Variants in GBF1 observed in about 807,000 individuals in gnomAD.
GBF1 encodes the protein golgi brefeldin A resistant guanine nucleotide exchange factor 1, also known as Golgi-specific brefeldin A-resistance guanine nucleotide exchange factor 1.
In GBF1, 114 loss-of-function variants were observed where a neutral mutation model predicts 210.5. That is an observed-to-expected ratio of 0.54 (90% CI 0.47 to 0.63). The LOEUF (loss-of-function observed/expected upper bound fraction) is 0.63. Ranked by LOEUF, GBF1 falls within the 30% of genes least tolerant of loss-of-function variation. The probability of loss-of-function intolerance (pLI) is 0.00; values close to 1 mark genes in which losing one functional copy is unlikely to be tolerated. For missense variants in GBF1, 1,851 were observed against 2,357.7 expected, an observed-to-expected ratio of 0.79 and a Z score of 4.45; for synonymous variants, 850 against 889.2, an observed-to-expected ratio of 0.96 and a Z score of 0.78.
chr10:102,331,390 T>G (rs1480743413), intron 3 of GBF1, among the ~76,000 whole-genome samples: 5 of 152,094 alleles, frequency 3.3e-5, no homozygotes, highest in Admixed American at 3.3e-4. Flanking sequence ...TTCTAATCCC[T>G]GGGGTTTTCA....
chr10:102,269,776 A>T (rs967360741), intron 3 of GBF1, among the ~76,000 whole-genome samples: 2 of 152,152 alleles, frequency 1.3e-5, no homozygotes, highest in Non-Finnish European at 2.9e-5. Flanking sequence ...GAGAGCTGAT[A>T]TGGTATTACA....
intron 29 of GBF1, among the ~76,000 whole-genome samples, chr10:102,372,511 A>T (rs557837799): frequency 6.6e-6 from 1 of 152,266 alleles, no homozygotes; most frequent in East Asian, 1.9e-4. Context: ...CTCTGTCTCA[A>T]AAAAAAGACT....
intron 3 of GBF1, among the ~76,000 whole-genome samples, chr10:102,316,537 T>C (rs1334377423): frequency 6.6e-6 from 1 of 152,192 alleles, no homozygotes; most frequent in Non-Finnish European, 1.5e-5. Context: ...TTAACAAGCA[T>C]TAGGAACAGA....
chr10:102,295,140 T>G (rs1426610128), intron 3 of GBF1, among the ~76,000 whole-genome samples: 8 of 152,216 alleles, frequency 5.3e-5, no homozygotes, highest in Admixed American at 5.2e-4. Flanking sequence ...AGGATAGAGC[T>G]CCACTCATTT....
rs551647948 is a variant in GBF1, at chr10:102,366,001, A to G, written c.2310-382A>G. On this transcript the variant is annotated intron_variant, in intron 18 of 39. Coordinates refer to ENST00000369983, the MANE Select transcript of GBF1 (RefSeq NM_001377137.1). The surrounding 1 kb of genome is among the most constrained non-coding windows in gnomAD (Gnocchi z 4.0). ...TTAGTGATCAGTTTAAAGGGACAGA[A>G]CATCCCTACCTCAAAGCGGTCTCTA... Among the ~76,000 whole-genome samples the G allele has an allele frequency of 1.3e-5, 2 of 152,176 alleles. No homozygotes were observed. The highest frequency in any genetic ancestry group is 4.8e-5 in the African/African-American group (2 of 41,530).
intron 3 of GBF1, among the ~76,000 whole-genome samples, chr10:102,305,369 T>A (rs986831895): frequency 1.3e-5 from 2 of 152,106 alleles, no homozygotes; most frequent in African/African-American, 2.4e-5. Context: ...TCCCAGCACT[T>A]TGGGAGGCCA....
chr10:102,347,715 A>G (rs904807664), intron 4 of GBF1, among the ~76,000 whole-genome samples: 1 of 152,180 alleles, frequency 6.6e-6, no homozygotes, highest in Non-Finnish European at 1.5e-5. Context: ...AGGACATTTT[A>G]AAGAAGGGTT....
chr10:102,355,263 A>C (rs1464000497), intron 8 of GBF1, among the ~76,000 whole-genome samples: 7 of 152,176 alleles, frequency 4.6e-5, no homozygotes, highest in Non-Finnish European at 1.0e-4. Flanking sequence ...ACCTAGCTAG[A>C]TAGTCCATTG....
At chr10:102,354,931 T>TC (rs1246531065) in intron 8 of GBF1, among the ~76,000 whole-genome samples, 3 of 137,052 alleles carry the variant, frequency 2.2e-5, no homozygotes, top group Non-Finnish European at 4.8e-5. Context: ...TTTTTTTTTT[T>TC]CTTGGTTACC....
chr10:102,259,475 C>G (rs1039056986), intron 2 of GBF1, among the ~76,000 whole-genome samples: 1 of 152,126 alleles, frequency 6.6e-6, no homozygotes, highest in African/African-American at 2.4e-5. Context: ...TCTTACCAAT[C>G]AGATGAGTAA....
intron 3 of GBF1, among the ~76,000 whole-genome samples, chr10:102,323,256 A>G (rs948856139): frequency 1.3e-5 from 2 of 151,312 alleles, no homozygotes; most frequent in African/African-American, 2.4e-5. Flanking sequence ...AAAAAAAAAA[A>G]AAAAAGAAGA....
intron 18 of GBF1, among the ~76,000 whole-genome samples, chr10:102,365,880 G>C (rs1295392940): frequency 6.7e-6 from 1 of 148,300 alleles, no homozygotes; most frequent in African/African-American, 2.6e-5. Flanking sequence ...CACTGTGATA[G>C]AGTGAGATAG....
At chr10:102,302,316 C>T (rs538083595) in intron 3 of GBF1, among the ~76,000 whole-genome samples, 12 of 152,192 alleles carry the variant, frequency 7.9e-5, no homozygotes, top group Non-Finnish European at 1.2e-4. Context: ...TCATATAGTA[C>T]GTGGTTACAC....
At chr10:102,305,175 TTGTGTGTGTGTGTGTGTGTGTG>T (rs60026956) in intron 3 of GBF1, among the ~76,000 whole-genome samples, 19 of 139,658 alleles carry the variant, frequency 1.4e-4, no homozygotes, top group African/African-American at 5.1e-4. Context: ...ATATGCAGAT[TTGTGTGTGTGTGTGTGTGTGTG>T]TGTGTGTGTG....
At chr10:102,341,135 T>C (rs148443216) in intron 3 of GBF1, among the ~76,000 whole-genome samples, 21 of 152,246 alleles carry the variant, frequency 1.4e-4, no homozygotes, top group Non-Finnish European at 2.2e-4. Flanking sequence ...AGTTTAATAA[T>C]GGATAAAAGA....
At position 102,339,028 on chromosome 10, in the gene GBF1, G is replaced by A. The variant is rs1409489366; in HGVS notation, c.164-5023G>A. On this transcript the variant is annotated intron_variant, in intron 3 of 39. Coordinates refer to ENST00000369983, the MANE Select transcript of GBF1 (RefSeq NM_001377137.1). ...GGAATTGGAACACTGAATGATATTG[G>A]AAAAAAAAATGAAGTTGGAGGAATC... is the stretch of plus-strand genomic sequence containing the variant. Among the ~76,000 whole-genome samples the A allele has an allele frequency of 3.3e-5, 5 of 150,436 alleles. No homozygotes were observed. The East Asian group carries it at 9.7e-4, about 29-fold the overall frequency.
chr10:102,234,428 T>C, the GBF1 span, among the ~76,000 whole-genome samples: 1 of 152,034 alleles, frequency 6.6e-6, no homozygotes, highest in African/African-American at 2.4e-5. Context: ...AGGAGAAAAG[T>C]CAGGCCAGAA....
intron 3 of GBF1, among the ~76,000 whole-genome samples, chr10:102,274,535 C>G (rs951195368): frequency 1.3e-5 from 2 of 151,894 alleles, no homozygotes; most frequent in Non-Finnish European, 2.9e-5. Flanking sequence ...CACAGACTGA[C>G]CACATCACAG....
rs1482206093 is a variant in GBF1, at chr10:102,366,521, CAG to C, written c.2433+16_2433+17del. The C allele has an allele frequency of 7.5e-6, 12 of 1,610,464 alleles. No homozygotes were observed. In the Admixed American group the frequency reaches 1.0e-4, roughly 13 times the overall value. On this transcript the variant is annotated intron_variant, in intron 19 of 39. Coordinates refer to ENST00000369983, the MANE Select transcript of GBF1 (RefSeq NM_001377137.1). The surrounding 1 kb of genome is among the most constrained non-coding windows in gnomAD (Gnocchi z 4.0). The stretch of plus-strand genomic sequence containing the variant: ...AGCGTTGGATGGTGAGTTTGAGTGT[CAG>C]GGGCTGAGCCCAGGATCCAAGGTCA...
Sources: gnomAD v4.1 joint callset for allele counts (sites outside exome capture counted in the v4.1 genomes callset) on GRCh38, gnomAD v4.1.1 for gene constraint, Gnocchi (gnomAD v3.1) non-coding constraint, MANE v1.5 for transcripts, NCBI Gene and HGNC (gene_info 2026-07-23, HGNC 2026-07-21) for gene names.